Variants in CDH4 observed in about 807,000 individuals in gnomAD.
CDH4 encodes the protein cadherin-4.
A neutral mutation model predicts 86.0 loss-of-function variants in CDH4; 33 were observed. The observed-to-expected ratio is 0.38, with a 90% confidence interval of 0.29 to 0.51. CDH4 has a LOEUF of 0.51. Among genes scored for constraint, CDH4 ranks in the 20% least tolerant of loss-of-function variants. The pLI, the probability that CDH4 is intolerant of heterozygous loss-of-function variation, is 0.86. For missense variants in CDH4, 1,114 were observed against 1,307.4 expected (o/e 0.85, Z 2.28); for synonymous variants, 555 against 549.4 (o/e 1.01, Z -0.14).
chr20:61,596,967 T>C (rs1389756854), intron 2 of CDH4, among the ~76,000 whole-genome samples: 1 of 152,198 alleles, frequency 6.6e-6, no homozygotes, highest in African/African-American at 2.4e-5. Context: ...TATCAAAACA[T>C]TAAAAACAAG....
chr20:61,923,368 G>T, intron 9 of CDH4, 83 bp from the exon 10 acceptor site: 1 of 1,419,228 alleles, frequency 7.0e-7, no homozygotes. Flanking sequence ...GAGGGGTGGA[G>T]ACCAACCTTC....
intron 2 of CDH4, among the ~76,000 whole-genome samples, chr20:61,310,841 C>G (rs2123222350): frequency 6.6e-6 from 1 of 152,302 alleles, no homozygotes; most frequent in Admixed American, 6.5e-5. Flanking sequence ...CTCCCTCTTC[C>G]CACAGGGACA....
intron 2 of CDH4, among the ~76,000 whole-genome samples, chr20:61,631,392 C>T (rs988157929): frequency 2.0e-5 from 3 of 152,182 alleles, no homozygotes; most frequent in Non-Finnish European, 2.9e-5. Context: ...TCTGTAATCC[C>T]ACTTTGGGAG....
intron 2 of CDH4, among the ~76,000 whole-genome samples, chr20:61,359,353 C>T (rs2084771331): frequency 1.3e-5 from 2 of 152,300 alleles, no homozygotes; most frequent in East Asian, 3.9e-4. Flanking sequence ...TGTGCGTGCT[C>T]TCCACCTTCC....
chr20:61,465,295 C>A (rs2085466089), intron 2 of CDH4, among the ~76,000 whole-genome samples: 1 of 151,474 alleles, frequency 6.6e-6, no homozygotes, highest in Non-Finnish European at 1.5e-5. Context: ...TGGAATTATG[C>A]ATTTTAAAAA....
intron 2 of CDH4, among the ~76,000 whole-genome samples, chr20:61,665,598 G>A (rs775328940): frequency 2.6e-4 from 39 of 152,198 alleles, no homozygotes; most frequent in Non-Finnish European, 2.8e-4. Flanking sequence ...CGTCCCAGGC[G>A]GAGGGGCCTG....
intron 2 of CDH4, among the ~76,000 whole-genome samples, chr20:61,575,257 C>G (rs2253195): frequency 0.77 from 117,635 of 152,166 alleles, 45,576 homozygotes; most frequent in African/African-American, 0.8. Context: ...AAGCTGGCAA[C>G]GACAGGTCTA....
chr20:61,343,278 A>G (rs541532740), intron 2 of CDH4, among the ~76,000 whole-genome samples: 1 of 152,344 alleles, frequency 6.6e-6, no homozygotes, highest in South Asian at 2.1e-4. Flanking sequence ...GGAAAATAAG[A>G]CTCAAAATGA....
intron 2 of CDH4, among the ~76,000 whole-genome samples, chr20:61,692,963 A>AT (rs2087675875): frequency 6.6e-6 from 1 of 152,038 alleles, no homozygotes; most frequent in Non-Finnish European, 1.5e-5. Flanking sequence ...TGAAAGGAGA[A>AT]TTTTTTTCCA....
chr20:61,798,861 C>T (rs1217275952), intron 4 of CDH4, among the ~76,000 whole-genome samples: 4 of 152,220 alleles, frequency 2.6e-5, no homozygotes, highest in Admixed American at 6.5e-5. Flanking sequence ...CATTAGCTCA[C>T]GTCGATGCGT....
chr20:61,686,821 A>G (rs1322373984), intron 2 of CDH4, among the ~76,000 whole-genome samples: 2 of 152,178 alleles, frequency 1.3e-5, no homozygotes, highest in South Asian at 2.1e-4. Context: ...ATGTGTGGTC[A>G]TGTGTGCAGG....
intron 9 of CDH4, 95 bp from the exon 10 acceptor site, chr20:61,923,356 G>T: frequency 2.4e-6 from 3 of 1,235,816 alleles, no homozygotes; most frequent in Non-Finnish European, 3.5e-6. Context: ...ACATGGCTCA[G>T]GGAGGGGTGG....
At chr20:61,288,150 C>T (rs1400405856) in intron 2 of CDH4, among the ~76,000 whole-genome samples, 3 of 152,000 alleles carry the variant, frequency 2.0e-5, no homozygotes, top group South Asian at 2.1e-4. Flanking sequence ...CCAAGTAGAA[C>T]GCATTCCTCA....
At chr20:61,878,035 G>A (rs1225919047) in intron 7 of CDH4, among the ~76,000 whole-genome samples, 3 of 152,044 alleles carry the variant, frequency 2.0e-5, no homozygotes, top group South Asian at 2.1e-4. Context: ...ACAGACGGGC[G>A]TGGTCATCCC....
intron 2 of CDH4, among the ~76,000 whole-genome samples, chr20:61,302,204 C>CTA (rs2084389569): frequency 6.6e-6 from 1 of 152,158 alleles, no homozygotes; most frequent in Admixed American, 6.5e-5. Flanking sequence ...CGAGCCCTCA[C>CTA]CACAGGGCCG....
intron 3 of CDH4, among the ~76,000 whole-genome samples, chr20:61,755,540 C>G (rs909732484): frequency 2.1e-5 from 3 of 144,944 alleles, no homozygotes; most frequent in Non-Finnish European, 4.5e-5. Context: ...ACCATATACA[C>G]AGTGCATGCT....
At chr20:61,494,948 A>G (rs905332780) in intron 2 of CDH4, among the ~76,000 whole-genome samples, 1 of 152,230 alleles carries the variant, frequency 6.6e-6, no homozygotes, top group South Asian at 2.1e-4. Context: ...GCCCTCCGCC[A>G]GATGCCATGC....
In CDH4 at chr20:61,681,441, G is replaced by T. The variant is rs558153283; in HGVS notation, c.170-62122G>T. ...TCCTTGGAACTTTATAACTGTGTGC[G>T]TATTTCAAGGGATCTGTTGGCTTCT... is the stretch of plus-strand genomic sequence containing the variant. On this transcript the variant is annotated intron_variant, in intron 2 of 15. Transcript: ENST00000614565. This position sits in a 1 kb window ranked among gnomAD's most constrained non-coding sequence, Gnocchi z 4.5. 6.6e-6 allele frequency among the ~76,000 whole-genome samples: 1 copy of T among 152,144 alleles called. No individual in the cohort carries two copies. The highest frequency in any genetic ancestry group is 2.4e-5 in the African/African-American group (1 of 41,440).
chr20:61,592,494 A>AGT (rs11471482), intron 2 of CDH4, among the ~76,000 whole-genome samples: 116,097 of 151,888 alleles, frequency 0.76, 44,438 homozygotes, highest in Admixed American at 0.84. Context: ...AGACTTGGAA[A>AGT]GTACAATTTA....
Sources: allele counts gnomAD v4.1 joint callset (sites outside exome capture counted in the v4.1 genomes callset), GRCh38; gene constraint gnomAD v4.1.1; non-coding constraint Gnocchi (gnomAD v3.1); transcripts MANE v1.5; gene names NCBI Gene and HGNC (gene_info 2026-07-23, HGNC 2026-07-21).